The following SRFBP1 variants were observed in gnomAD, a reference collection of about 807,000 sequenced individuals.
The protein encoded by SRFBP1 is serum response factor binding protein 1.
In SRFBP1, 47 loss-of-function variants were observed where a neutral mutation model predicts 45.5. The ratio of observed to expected loss-of-function variants is 1.03; its 90% CI spans 0.82 to 1.32. The LOEUF is 1.32. SRFBP1 is among the 40% of genes most tolerant of loss of function. SRFBP1 has a pLI of 0.00. For missense variants in SRFBP1, 621 were observed against 484.6 expected, an observed-to-expected ratio of 1.28 and a Z score of -2.64; for synonymous variants, 203 against 166.3, an observed-to-expected ratio of 1.22 and a Z score of -1.70.
intron 6 of SRFBP1, 98 bp from the exon 7 acceptor site, chr5:122,022,272 C>A: frequency 1.1e-6 from 1 of 930,500 alleles, no homozygotes; most frequent in Non-Finnish European, 1.7e-6. Context: ...AGTATAGTGG[C>A]CCTTTGAATT....
intron 4 of SRFBP1, among the ~76,000 whole-genome samples, chr5:121,996,108 T>G (rs1428481040): frequency 1.3e-5 from 2 of 148,668 alleles, no homozygotes; most frequent in African/African-American, 4.9e-5. Context: ...GTACCATTCC[T>G]TCTGAAACTA....
downstream of SRFBP1, chr5:122,078,242 G>C (rs1038241845): frequency 1.5e-5 from 6 of 404,856 alleles, no homozygotes; most frequent in Non-Finnish European, 2.6e-5. Context: ...CGGCAGTCCC[G>C]GAGAGCGGGC....
At chr5:121,963,132 G>A (rs76573718) in intron 1 of SRFBP1, among the ~76,000 whole-genome samples, 6,742 of 152,240 alleles carry the variant, frequency 0.044, 175 homozygotes, top group African/African-American at 0.06. Flanking sequence ...CAGAGGGACT[G>A]GTATAAGCAG....
At chr5:122,078,264 T>A (rs1580569089), downstream of SRFBP1, 1 of 368,032 alleles carries the variant, frequency 2.7e-6, no homozygotes, top group African/African-American at 2.1e-5. Flanking sequence ...GTGTCTGGAG[T>A]GAAGGAAGGA....
chr5:122,058,570 G>A (rs1486604924), intron 2 of SRFBP1, among the ~76,000 whole-genome samples: 4 of 144,412 alleles, frequency 2.8e-5, no homozygotes, highest in East Asian at 2.0e-4. Flanking sequence ...GTGTGTGTGT[G>A]TATAAAGCCC....
intron 4 of SRFBP1, among the ~76,000 whole-genome samples, chr5:122,007,528 G>C (rs1753003720): frequency 6.6e-6 from 1 of 151,880 alleles, no homozygotes; most frequent in Admixed American, 6.5e-5. Flanking sequence ...TCGGTCTGTT[G>C]GTGCCAGCCT....
At chr5:121,987,059 A>G (rs946049130) in intron 3 of SRFBP1, among the ~76,000 whole-genome samples, 1 of 152,168 alleles carries the variant, frequency 6.6e-6, no homozygotes, top group Non-Finnish European at 1.5e-5. Flanking sequence ...GAATGGTGAT[A>G]TAATGGGCCT....
intron 4 of SRFBP1, among the ~76,000 whole-genome samples, chr5:122,017,414 A>G (rs1437614540): frequency 2.0e-5 from 3 of 152,108 alleles, no homozygotes; most frequent in Non-Finnish European, 4.4e-5. Context: ...CGTAGTCTTT[A>G]CTGTGTCTCT....
chr5:121,986,479 T>G (rs1430694247), intron 3 of SRFBP1, among the ~76,000 whole-genome samples: 4 of 152,066 alleles, frequency 2.6e-5, no homozygotes, highest in Admixed American at 1.3e-4. Flanking sequence ...CTGGTATTCA[T>G]TCACCATGTG....
intron 4 of SRFBP1, among the ~76,000 whole-genome samples, chr5:122,002,683 T>C (rs1752895438): frequency 6.6e-6 from 1 of 152,194 alleles, no homozygotes. Flanking sequence ...TTTCAAAGTG[T>C]TGAGAATATT....
intron 4 of SRFBP1, among the ~76,000 whole-genome samples, chr5:122,015,665 C>T (rs900240701): frequency 6.6e-6 from 1 of 152,352 alleles, no homozygotes; most frequent in African/African-American, 2.4e-5. Flanking sequence ...GAACAGCCCC[C>T]ATGGGCCAGT....
At chr5:121,976,248 A>G (rs964997179) in intron 3 of SRFBP1, among the ~76,000 whole-genome samples, 8 of 152,056 alleles carry the variant, frequency 5.3e-5, no homozygotes, top group Admixed American at 3.9e-4. Flanking sequence ...AAAAACATCT[A>G]GGAAACGACT....
In SRFBP1 at chr5:122,024,086, C is replaced by T. The variant is rs145010252; in HGVS notation, c.1105+1679C>T. ...TTTGGGAGTCAAAGGCTTTTCTAAACCTTAAGTTCCCAAATATCTAGATTC... is the reference window on the plus strand; with the variant it reads ...TTTGGGAGTCAAAGGCTTTTCTAAATCTTAAGTTCCCAAATATCTAGATTC... On this transcript the variant is annotated intron_variant, in intron 7 of 7. Coordinates refer to ENST00000339397, the MANE Select transcript of SRFBP1 (RefSeq NM_152546.3). Among the ~76,000 whole-genome samples the T allele has an allele frequency of 5.3e-5, 8 of 152,300 alleles. No individual in the cohort carries two copies. In the East Asian group the frequency reaches 1.4e-3, roughly 26 times the overall value.
intron 1 of SRFBP1, 150 bp from the exon 2 acceptor site, chr5:121,974,046 A>G: frequency 3.7e-6 from 2 of 535,784 alleles, no homozygotes; most frequent in Admixed American, 3.4e-5. Flanking sequence ...TATTTATGGA[A>G]GAGGTTTGAT....
At chr5:122,015,155 T>C (rs778701746) in intron 4 of SRFBP1, among the ~76,000 whole-genome samples, 1 of 152,176 alleles carries the variant, frequency 6.6e-6, no homozygotes, top group Non-Finnish European at 1.5e-5. Flanking sequence ...GGGAATACAC[T>C]TCTCAGGATT....
intron 3 of SRFBP1, among the ~76,000 whole-genome samples, chr5:121,987,258 A>T (rs572098390): frequency 8.5e-5 from 13 of 152,168 alleles, no homozygotes; most frequent in Non-Finnish European, 1.5e-5. Context: ...AGGGACTCCC[A>T]GTATCACATG....
intron 1 of SRFBP1, among the ~76,000 whole-genome samples, chr5:121,972,735 C>A (rs982670296): frequency 4.6e-5 from 7 of 151,630 alleles, no homozygotes; most frequent in Non-Finnish European, 4.4e-5. Flanking sequence ...GTTGAACAAG[C>A]AAGCTGATAG....
At chr5:122,074,313 T>G in intron 2 of SRFBP1, 1 of 665,256 alleles carries the variant, frequency 1.5e-6, no homozygotes, top group Non-Finnish European at 2.5e-6. Context: ...GAGAGATTCA[T>G]GCTAGGGTTT....
At chr5:122,033,714 C>G (rs1444198270) in intron 2 of SRFBP1, among the ~76,000 whole-genome samples, 2 of 151,940 alleles carry the variant, frequency 1.3e-5, no homozygotes, top group African/African-American at 2.4e-5. Context: ...CTGCCTCAGA[C>G]TCCCAGAGCG....
Sources: gnomAD v4.1 joint callset for allele counts (sites outside exome capture counted in the v4.1 genomes callset) on GRCh38, gnomAD v4.1.1 for gene constraint, MANE v1.5 for transcripts, NCBI Gene and HGNC (gene_info 2026-07-23, HGNC 2026-07-21) for gene names.